The following AK9 variants were observed in gnomAD, a reference collection of about 807,000 sequenced individuals.
The protein encoded by AK9 is adenylate kinase 9.
A neutral mutation model predicts 239.6 loss-of-function variants in AK9; 191 were observed. That is an observed-to-expected ratio of 0.80 (90% CI 0.71 to 0.90). AK9 has a LOEUF of 0.90. AK9 is among the 40% of genes least tolerant of loss of function. The pLI is 0.00. For missense variants in AK9, 1,995 were observed against 2,214.7 expected, an observed-to-expected ratio of 0.90 and a Z score of 1.99; for synonymous variants, 689 against 721.0, an observed-to-expected ratio of 0.96 and a Z score of 0.71.
intron 17 of AK9, among the ~76,000 whole-genome samples, chr6:109,608,780 A>G (rs1793229332): frequency 1.3e-5 from 2 of 152,188 alleles, no homozygotes; most frequent in Admixed American, 6.5e-5. Context: ...TGTAAAGATA[A>G]TTGCAAAATA....
intron 24 of AK9, 41 bp downstream of exon 24, chr6:109,563,556 G>T: frequency 1.3e-6 from 2 of 1,542,054 alleles, no homozygotes; most frequent in South Asian, 2.4e-5. Context: ...TATTTTCAAT[G>T]ACTTCACAAA....
At chr6:109,620,151 C>T (rs1794643592) in intron 12 of AK9, among the ~76,000 whole-genome samples, 1 of 152,104 alleles carries the variant, frequency 6.6e-6, no homozygotes, top group East Asian at 1.9e-4. Context: ...TTATGTGTTT[C>T]CACTTCTCTT....
intron 1 of AK9, chr6:109,690,646 C>G (rs1774232480): frequency 6.6e-6 from 1 of 152,204 alleles, no homozygotes; most frequent in Non-Finnish European, 1.5e-5. Flanking sequence ...GAAATAGTCA[C>G]TTTTGTACCT....
intron 7 of AK9, among the ~76,000 whole-genome samples, chr6:109,658,496 G>A (rs969364276): frequency 6.6e-6 from 1 of 152,130 alleles, no homozygotes; most frequent in Non-Finnish European, 1.5e-5. Context: ...TATCCAGCAC[G>A]GAAGTTATTA....
intron 24 of AK9, among the ~76,000 whole-genome samples, chr6:109,556,611 T>C (rs1785037058): frequency 6.6e-6 from 1 of 152,122 alleles, no homozygotes; most frequent in Non-Finnish European, 1.5e-5. Context: ...TTCCAGCTTG[T>C]TTCCATTCTC....
At chr6:109,623,513 A>C (rs555112323) in intron 12 of AK9, among the ~76,000 whole-genome samples, 4 of 152,268 alleles carry the variant, frequency 2.6e-5, no homozygotes, top group African/African-American at 9.6e-5. Context: ...GCCCCAGCCT[A>C]GTGTCAGATG....
chr6:109,653,760 T>C (rs1304704144), intron 8 of AK9, among the ~76,000 whole-genome samples: 2 of 152,062 alleles, frequency 1.3e-5, no homozygotes, highest in Non-Finnish European at 2.9e-5. Context: ...TCTTGAACTC[T>C]TGGGCTCAAG....
chr6:109,659,535 G>T, intron 6 of AK9, 122 bp from the exon 7 acceptor site: 1 of 1,249,344 alleles, frequency 8.0e-7, no homozygotes, highest in Non-Finnish European at 1.1e-6. Context: ...CTGAGCAAAT[G>T]CAATATTGTG....
intron 19 of AK9, among the ~76,000 whole-genome samples, chr6:109,582,136 C>T (rs1438496815): frequency 1.3e-5 from 2 of 152,182 alleles, no homozygotes; most frequent in Non-Finnish European, 2.9e-5. Flanking sequence ...CAGATAGTCA[C>T]CCAAGAGCTC....
chr6:109,622,711 A>G (rs964217497), intron 12 of AK9, among the ~76,000 whole-genome samples: 23 of 149,844 alleles, frequency 1.5e-4, no homozygotes, highest in African/African-American at 5.6e-4. Context: ...TAGATAATAT[A>G]TAACACACAT....
At chr6:109,498,444 A>T (rs1777285478) in intron 36 of AK9, among the ~76,000 whole-genome samples, 4 of 152,232 alleles carry the variant, frequency 2.6e-5, no homozygotes, top group Admixed American at 2.6e-4. Flanking sequence ...AATATCTCAT[A>T]ATAAAGGGAA....
chr6:109,493,578 A>C lies in AK9; in HGVS notation c.5534-7T>G. ...GAACCTTTGGGATTAAATGCTGTAGAAAATTTCACAGAACTGTGAATAATT... is the reference window on the plus strand; with the variant it reads ...GAACCTTTGGGATTAAATGCTGTAGCAAATTTCACAGAACTGTGAATAATT... On this transcript the variant is annotated splice_region_variant and splice_polypyrimidine_tract_variant and intron_variant, in intron 40 of 40. Coordinates refer to ENST00000424296, the MANE Select transcript of AK9 (RefSeq NM_001145128.3). 1.2e-6 allele frequency: 2 copies of C among 1,606,808 alleles called. No homozygotes were observed. Among genetic ancestry groups the C allele is most frequent in the Non-Finnish European group, 1.7e-6 (2 of 1,174,972 alleles).
At chr6:109,590,206 G>A (rs1790039215) in intron 17 of AK9, among the ~76,000 whole-genome samples, 1 of 151,910 alleles carries the variant, frequency 6.6e-6, no homozygotes, top group African/African-American at 2.4e-5. Context: ...GGGCTTTTTT[G>A]TTACTGTTGA....
intron 1 of AK9, among the ~76,000 whole-genome samples, chr6:109,681,958 T>C (rs1772702088): frequency 6.6e-6 from 1 of 152,200 alleles, no homozygotes; most frequent in South Asian, 2.1e-4. Context: ...GGGAAATTTA[T>C]AGCACTAAAT....
At chr6:109,651,425 A>C (rs530473292) in intron 8 of AK9, among the ~76,000 whole-genome samples, 1 of 152,326 alleles carries the variant, frequency 6.6e-6, no homozygotes, top group East Asian at 1.9e-4. Flanking sequence ...AGCAGTGTTT[A>C]GAGGGAAATT....
intron 23 of AK9, among the ~76,000 whole-genome samples, 179 bp from the exon 24 acceptor site, chr6:109,563,891 T>C (rs1259300297): frequency 6.6e-6 from 1 of 152,178 alleles, no homozygotes; most frequent in African/African-American, 2.4e-5. Context: ...TGGCCAGAGG[T>C]GTTTGGGCCA....
At chr6:109,498,901 G>A in intron 36 of AK9, 143 bp downstream of exon 36, 1 of 605,584 alleles carries the variant, frequency 1.7e-6, no homozygotes, top group Non-Finnish European at 2.7e-6. Context: ...CTGCTGAGTT[G>A]CTTCACTGGT....
At chr6:109,622,293 A>G (rs1794964264) in intron 12 of AK9, among the ~76,000 whole-genome samples, 2 of 144,020 alleles carry the variant, frequency 1.4e-5, no homozygotes, top group Non-Finnish European at 3.0e-5. Context: ...AGGAGTCTCC[A>G]TATGTATACA....
chr6:109,624,201 C>T (rs1795237666), intron 12 of AK9, among the ~76,000 whole-genome samples: 1 of 152,076 alleles, frequency 6.6e-6, no homozygotes, highest in Admixed American at 6.6e-5. Context: ...TCTCCTACCC[C>T]AAACTGGATT....
Sources: gnomAD v4.1 joint callset for allele counts (sites outside exome capture counted in the v4.1 genomes callset) on GRCh38, gnomAD v4.1.1 for gene constraint, MANE v1.5 for transcripts, NCBI Gene and HGNC (gene_info 2026-07-23, HGNC 2026-07-21) for gene names.